The following SLC39A11 variants were observed in gnomAD, a reference collection of about 807,000 sequenced individuals.
SLC39A11 encodes the protein solute carrier family 39 member 11, also known as zinc transporter ZIP11.
A neutral mutation model predicts 36.1 loss-of-function variants in SLC39A11; 33 were observed. That is an observed-to-expected ratio of 0.91 (90% confidence interval 0.69 to 1.22). The LOEUF is 1.22. SLC39A11 is among the 50% of genes most tolerant of loss of function. The pLI, the probability that SLC39A11 is intolerant of heterozygous loss-of-function variation, is 0.00. For synonymous variants in SLC39A11, 166 were observed against 170.3 expected (o/e 0.97, Z 0.20); for missense variants, 432 against 430.3 (o/e 1.00, Z -0.03).
intron 4 of SLC39A11, among the ~76,000 whole-genome samples, chr17:73,004,227 GAAAGAAAA>G (rs2090046637): frequency 4.3e-5 from 4 of 92,428 alleles, no homozygotes; most frequent in African/African-American, 8.3e-5. Context: ...AAGAAAGAAA[GAAAGAAAA>G]GAAAGAAAGA....
At chr17:72,976,963 C>G (rs1755273421) in intron 4 of SLC39A11, among the ~76,000 whole-genome samples, 1 of 152,140 alleles carries the variant, frequency 6.6e-6, no homozygotes, top group Admixed American at 6.5e-5. Flanking sequence ...ATGGTGCCCC[C>G]AAAGATGTTT....
At chr17:72,665,403 T>TTTGTTTTG (rs2070704066) in intron 7 of SLC39A11, among the ~76,000 whole-genome samples, 1 of 137,994 alleles carries the variant, frequency 7.2e-6, no homozygotes, top group Non-Finnish European at 1.6e-5. Context: ...TTTTTTTTTT[T>TTTGTTTTG]TTTTTTTGAG....
At chr17:72,677,260 A>T (rs979512870) in intron 7 of SLC39A11, among the ~76,000 whole-genome samples, 1 of 152,204 alleles carries the variant, frequency 6.6e-6, no homozygotes, top group Non-Finnish European at 1.5e-5. Context: ...GGAAGAGGCT[A>T]AGTACATAAA....
chr17:72,954,249 T>C (rs569079470), intron 4 of SLC39A11, among the ~76,000 whole-genome samples: 3 of 152,354 alleles, frequency 2.0e-5, no homozygotes, highest in South Asian at 2.1e-4. Context: ...TTTCACCATG[T>C]TGGCCAGGCT....
At chr17:72,796,848 G>A (rs575806355) in intron 6 of SLC39A11, among the ~76,000 whole-genome samples, 17 of 152,274 alleles carry the variant, frequency 1.1e-4, no homozygotes, top group African/African-American at 3.9e-4. Flanking sequence ...AAGTATGCAA[G>A]AAGATGTGAC....
chr17:72,714,331 G>A (rs1001347053), intron 7 of SLC39A11, among the ~76,000 whole-genome samples: 3 of 152,140 alleles, frequency 2.0e-5, no homozygotes, highest in East Asian at 3.9e-4. Context: ...ACTCCAGCCT[G>A]GGTAACAGAG....
chr17:73,050,750 C>A (rs537661888), intron 3 of SLC39A11, among the ~76,000 whole-genome samples: 151 of 152,276 alleles, frequency 9.9e-4, no homozygotes, highest in Middle Eastern at 3.4e-3. Context: ...CAGGCGTGAG[C>A]CACCATGCCT....
intron 7 of SLC39A11, among the ~76,000 whole-genome samples, chr17:72,682,830 G>C (rs952800971): frequency 6.6e-6 from 1 of 152,176 alleles, no homozygotes; most frequent in African/African-American, 2.4e-5. Context: ...TTATATAACT[G>C]TCTGACTTAT....
chr17:72,757,334 A>G (rs1160202946), intron 6 of SLC39A11, among the ~76,000 whole-genome samples: 3 of 152,106 alleles, frequency 2.0e-5, no homozygotes, highest in Non-Finnish European at 4.4e-5. Flanking sequence ...TGACTCAATG[A>G]CCCTGAAGAT....
intron 5 of SLC39A11, among the ~76,000 whole-genome samples, chr17:72,912,774 G>A (rs2083094578): frequency 6.6e-6 from 1 of 152,162 alleles, no homozygotes; most frequent in South Asian, 2.1e-4. Flanking sequence ...GGCAGAAGAT[G>A]GAATCAAAAT....
intron 6 of SLC39A11, among the ~76,000 whole-genome samples, chr17:72,841,561 G>A (rs1320619756): frequency 2.6e-5 from 4 of 152,232 alleles, no homozygotes; most frequent in East Asian, 1.9e-4. Flanking sequence ...AAGGGCAGTC[G>A]GGGAGTCGGG....
chr17:72,673,040 G>A (rs1277952798), intron 7 of SLC39A11, among the ~76,000 whole-genome samples: 6 of 151,892 alleles, frequency 4.0e-5, no homozygotes, highest in African/African-American at 9.7e-5. Context: ...GAAGATACCC[G>A]GCCCTTAAAA....
At chr17:72,790,694 G>T (rs1265324827) in intron 6 of SLC39A11, among the ~76,000 whole-genome samples, 1 of 152,010 alleles carries the variant, frequency 6.6e-6, no homozygotes, top group East Asian at 1.9e-4. Flanking sequence ...ACCACACCCA[G>T]CTAATTTTTG....
chr17:72,958,509 A>G (rs1322951282), intron 4 of SLC39A11, among the ~76,000 whole-genome samples: 2 of 152,222 alleles, frequency 1.3e-5, no homozygotes, highest in East Asian at 3.9e-4. Context: ...TAAGAAAAAA[A>G]CAAACAATCC....
In SLC39A11 at chr17:72,942,100, T is replaced by C. The variant is rs59094489; in HGVS notation, c.430+5652A>G. Among the ~76,000 whole-genome samples the C allele has an allele frequency of 9.0e-3, 1,366 of 151,924 alleles. 26 individuals carry two copies. The highest frequency in any genetic ancestry group is 0.031 in the African/African-American group (1,303 of 41,440). Reference sequence around the variant, plus strand: ...AGTAGAGACAGGGGTTTCACCATGTTGGCCAGGCTGGTCTCGAACTCCTGA... The same window carrying C: ...AGTAGAGACAGGGGTTTCACCATGTCGGCCAGGCTGGTCTCGAACTCCTGA... On this transcript the variant is annotated intron_variant, in intron 5 of 9. Transcript: ENST00000255559.
At chr17:72,750,239 T>C (rs2075102011) in intron 6 of SLC39A11, among the ~76,000 whole-genome samples, 1 of 152,014 alleles carries the variant, frequency 6.6e-6, no homozygotes, top group African/African-American at 2.4e-5. Flanking sequence ...CAAGTTCACA[T>C]GAAGAGGTCG....
intron 7 of SLC39A11, among the ~76,000 whole-genome samples, chr17:72,674,144 C>G (rs2071149401): frequency 6.6e-6 from 1 of 151,952 alleles, no homozygotes; most frequent in Non-Finnish European, 1.5e-5. Flanking sequence ...CCCACCCCTA[C>G]TCCCTCCTTC....
chr17:72,736,791 CTGCA>C, intron 6 of SLC39A11, 72 bp from the exon 7 acceptor site: 1 of 1,215,990 alleles, frequency 8.2e-7, no homozygotes, highest in Admixed American at 1.7e-5. Flanking sequence ...ATCACTGTCA[CTGCA>C]TTAAGTAGGA....
chr17:72,650,494 G>A (rs1313924364), intron 7 of SLC39A11, among the ~76,000 whole-genome samples: 1 of 152,210 alleles, frequency 6.6e-6, no homozygotes, highest in African/African-American at 2.4e-5. Flanking sequence ...AGAGGCATGA[G>A]GGAAGCAGAG....
Sources: allele counts gnomAD v4.1 joint callset (sites outside exome capture counted in the v4.1 genomes callset), GRCh38; gene constraint gnomAD v4.1.1; transcripts MANE v1.5; gene names NCBI Gene and HGNC (gene_info 2026-07-23, HGNC 2026-07-21).